The following PCDH7 variants were observed in gnomAD, a reference collection of about 807,000 sequenced individuals.
PCDH7 encodes protocadherin 7.
PCDH7 carries 17 observed loss-of-function variants against 58.9 expected under a neutral mutation model. That is an observed-to-expected ratio of 0.29 (90% CI 0.20 to 0.43). The LOEUF (loss-of-function observed/expected upper bound fraction) is 0.43, where lower values mean the gene tolerates loss of function less well. Ranked by LOEUF, PCDH7 falls within the 20% of genes least tolerant of loss-of-function variation. The probability of loss-of-function intolerance (pLI) is 1.00; values close to 1 mark genes in which losing one functional copy is unlikely to be tolerated. For synonymous variants in PCDH7, 664 were observed against 616.4 expected (o/e 1.08, Z -1.14); for missense variants, 1,274 against 1,441.0 (o/e 0.88, Z 1.88).
intron 3 of PCDH7, among the ~76,000 whole-genome samples, chr4:31,054,691 A>T (rs770271741): frequency 1.3e-5 from 2 of 152,142 alleles, no homozygotes; most frequent in Non-Finnish European, 2.9e-5. Context: ...TCAACTAAAG[A>T]TTTCTATTCT....
intron 1 of PCDH7, among the ~76,000 whole-genome samples, chr4:30,918,155 T>A (rs1473640574): frequency 6.6e-6 from 1 of 152,182 alleles, no homozygotes; most frequent in Non-Finnish European, 1.5e-5. Context: ...TGGTAATATG[T>A]CTGCATGACC....
At chr4:31,110,917 A>G (rs1454313705) in intron 3 of PCDH7, among the ~76,000 whole-genome samples, 1 of 151,948 alleles carries the variant, frequency 6.6e-6, no homozygotes, top group Non-Finnish European at 1.5e-5. Context: ...TATGTCTAAA[A>G]AAAAAAAAAA....
chr4:31,056,297 G>A (rs1008159881), intron 3 of PCDH7, among the ~76,000 whole-genome samples: 1 of 151,416 alleles, frequency 6.6e-6, no homozygotes, highest in Admixed American at 6.6e-5. Flanking sequence ...GAGCCGAGGA[G>A]GTCGAAGCTG....
Position 30,722,070 on chromosome 4 carries a change from C to G in PCDH7, c.648C>G (p.Gly216=), listed in dbSNP as rs1402420141. The change falls in exon 1 of 2, where the codon GGC becomes GGG. Residue 216 remains glycine (G), a synonymous_variant. Coordinates refer to ENST00000361762, the Ensembl canonical transcript of PCDH7. The surrounding 1 kb of genome is among the most constrained non-coding windows in gnomAD (Gnocchi z 7.6). Reference sequence around the variant, plus strand: ...GGGGCGGCGGGAACGGCGCGAGCGGCGGCGGCTCGGGAGGCTCCAAGCGGC... The same window carrying G: ...GGGGCGGCGGGAACGGCGCGAGCGGGGGCGGCTCGGGAGGCTCCAAGCGGC... 4.0e-6 allele frequency: 5 copies of G among 1,244,614 alleles called. No individual in the cohort carries two copies. In the African/African-American group the frequency reaches 6.2e-5, roughly 16 times the overall value. 77.1% of individuals were successfully genotyped at this position (1,244,614 alleles called of 1,614,324 possible).
chr4:30,922,711 C>T (rs1450902169), intron 2 of PCDH7, among the ~76,000 whole-genome samples: 17 of 152,024 alleles, frequency 1.1e-4, no homozygotes, highest in Admixed American at 1.1e-3. Context: ...ACGGATCTTT[C>T]CTGATTTTGT....
At chr4:31,100,698 T>C (rs924163216) in intron 3 of PCDH7, among the ~76,000 whole-genome samples, 1 of 152,212 alleles carries the variant, frequency 6.6e-6, no homozygotes, top group African/African-American at 2.4e-5. Context: ...CCTGGCTCCC[T>C]CTTTAGGATT....
chr4:30,816,188 G>T (rs1727646675), intron 1 of PCDH7, among the ~76,000 whole-genome samples: 1 of 151,898 alleles, frequency 6.6e-6, no homozygotes. Flanking sequence ...TAGGTGAAAT[G>T]AGCTTCAAAT....
chr4:31,016,536 TG>T (rs1182218377), intron 3 of PCDH7, among the ~76,000 whole-genome samples: 9 of 151,624 alleles, frequency 5.9e-5, no homozygotes, highest in African/African-American at 2.2e-4. Flanking sequence ...AAGGCTACAG[TG>T]GGATTGGTGC....
Position 31,139,971 on chromosome 4 carries a change from A to C in PCDH7, c.*8-2502A>C, listed in dbSNP as rs965611251. Among the ~76,000 whole-genome samples the C allele has an allele frequency of 5.9e-5, 9 of 152,182 alleles. 1 individual carries two copies. Among genetic ancestry groups the C allele is most frequent in the Admixed American group, 2.0e-4 (3 of 15,274 alleles). On this transcript the variant is annotated intron_variant, in intron 3 of 3. Coordinates refer to the PCDH7 transcript ENST00000509759. ...GCTTGCATGTATATGATGGCACAGA[A>C]GACAAGCTGCCTTTCGTTAAAAGCA...
intron 3 of PCDH7, among the ~76,000 whole-genome samples, chr4:31,115,199 T>C (rs1158519853): frequency 6.6e-6 from 1 of 152,222 alleles, no homozygotes; most frequent in Non-Finnish European, 1.5e-5. Flanking sequence ...AGCTTGAATT[T>C]AATAGAAATG....
intron 3 of PCDH7, among the ~76,000 whole-genome samples, chr4:31,004,316 C>CA (rs1282680791): frequency 6.6e-6 from 1 of 152,130 alleles, no homozygotes; most frequent in Non-Finnish European, 1.5e-5. Context: ...AGAAGCCATA[C>CA]ACACATGATA....
chr4:30,940,132 A>G (rs1236801155), intron 2 of PCDH7, among the ~76,000 whole-genome samples: 1 of 152,050 alleles, frequency 6.6e-6, no homozygotes, highest in Non-Finnish European at 1.5e-5. Context: ...GGTTATACTA[A>G]TAGCCTGAAA....
At chr4:31,061,083 C>T (rs150958367) in intron 3 of PCDH7, among the ~76,000 whole-genome samples, 15 of 151,670 alleles carry the variant, frequency 9.9e-5, no homozygotes, top group South Asian at 4.1e-4. Flanking sequence ...GCATGCCTGT[C>T]CCCTGTTTAC....
rs1577892856 is a variant in PCDH7, at chr4:30,809,815, G to A, written c.70+85219G>A. ...AAACATCTCGGGGTTGGCAGAATGG[G>A]TTGGTCTGGTGTTTATTATATGTAA... On this transcript the variant is annotated intron_variant, in intron 1 of 3. Coordinates refer to the PCDH7 transcript ENST00000509759. 2.0e-5 allele frequency among the ~76,000 whole-genome samples: 3 copies of A among 152,206 alleles called. No homozygotes were observed. In the South Asian group the frequency reaches 6.2e-4, roughly 32 times the overall value.
At chr4:30,780,538 A>C (rs1294477326) in intron 1 of PCDH7, among the ~76,000 whole-genome samples, 1 of 152,072 alleles carries the variant, frequency 6.6e-6, no homozygotes, top group Non-Finnish European at 1.5e-5. Flanking sequence ...AGAAACAAAT[A>C]AAATAGTTGT....
At chr4:30,959,022 G>A (rs143932884) in intron 3 of PCDH7, among the ~76,000 whole-genome samples, 31 of 152,178 alleles carry the variant, frequency 2.0e-4, no homozygotes, top group African/African-American at 7.5e-4. Flanking sequence ...AGCAAAATTA[G>A]ATGGTTCTGA....
chr4:30,848,281 T>G (rs1433964310), intron 1 of PCDH7, among the ~76,000 whole-genome samples: 1 of 152,200 alleles, frequency 6.6e-6, no homozygotes, highest in African/African-American at 2.4e-5. Context: ...ATTTTAAAAT[T>G]TAAGGTACTC....
intron 3 of PCDH7, among the ~76,000 whole-genome samples, chr4:31,048,306 T>C (rs1209518223): frequency 6.6e-6 from 1 of 152,090 alleles, no homozygotes. Context: ...CAAGAAGGTA[T>C]ACATCTATCA....
intron 1 of PCDH7, among the ~76,000 whole-genome samples, chr4:30,850,702 C>T (rs1560434146): frequency 6.6e-6 from 1 of 152,018 alleles, no homozygotes; most frequent in Non-Finnish European, 1.5e-5. Context: ...GTGTCAGGGC[C>T]CTATTCCACG....
Sources: allele counts gnomAD v4.1 joint callset (sites outside exome capture counted in the v4.1 genomes callset), GRCh38; gene constraint gnomAD v4.1.1; non-coding constraint Gnocchi (gnomAD v3.1); transcripts MANE v1.5; gene names NCBI Gene and HGNC (gene_info 2026-07-23, HGNC 2026-07-21).